Variants in CHN2 observed in about 807,000 individuals in gnomAD.
The protein encoded by CHN2 is chimerin 2.
A neutral mutation model predicts 56.3 loss-of-function variants in CHN2; 35 were observed. The ratio of observed to expected loss-of-function variants is 0.62; its 90% CI spans 0.47 to 0.82. The LOEUF (loss-of-function observed/expected upper bound fraction) is 0.82, where lower values mean the gene tolerates loss of function less well. CHN2 is among the 40% of genes least tolerant of loss of function. The probability of loss-of-function intolerance (pLI) is 0.00; values close to 1 mark genes in which losing one functional copy is unlikely to be tolerated. For missense variants in CHN2, 491 were observed against 580.5 expected, an observed-to-expected ratio of 0.85 and a Z score of 1.58; for synonymous variants, 210 against 212.8, an observed-to-expected ratio of 0.99 and a Z score of 0.12.
At chr7:29,167,488 T>G (rs1796067345) in intron 2 of CHN2, among the ~76,000 whole-genome samples, 2 of 152,332 alleles carry the variant, frequency 1.3e-5, no homozygotes, top group African/African-American at 2.4e-5. Context: ...TGAATATGTC[T>G]TTGGTGCACA....
At chr7:29,353,911 A>AT (rs1357741189) in intron 1 of CHN2, among the ~76,000 whole-genome samples, 2 of 152,224 alleles carry the variant, frequency 1.3e-5, no homozygotes, top group African/African-American at 2.4e-5. Context: ...GAATTTATAA[A>AT]TTCAGCTGTC....
chr7:29,219,756 G>C (rs1214361752), intron 1 of CHN2, among the ~76,000 whole-genome samples: 1 of 152,108 alleles, frequency 6.6e-6, no homozygotes, highest in Non-Finnish European at 1.5e-5. Flanking sequence ...ATTATCATGA[G>C]AGATAAAGAG....
At chr7:29,287,170 G>A (rs1792214426) in intron 1 of CHN2, among the ~76,000 whole-genome samples, 2 of 152,134 alleles carry the variant, frequency 1.3e-5, no homozygotes, top group African/African-American at 2.4e-5. Context: ...GGCACCAAGA[G>A]GGCAGAGAGA....
chr7:29,374,922 C>T (rs1467024884), intron 3 of CHN2, among the ~76,000 whole-genome samples: 1 of 148,354 alleles, frequency 6.7e-6, no homozygotes, highest in Non-Finnish European at 1.5e-5. Context: ...GTTTCGCTCT[C>T]GTTGGCCCAG....
chr7:29,322,194 C>A lies in CHN2; in HGVS notation c.50-32431C>A, dbSNP rs190084707. Among the ~76,000 whole-genome samples, 6 of 152,332 alleles carry A rather than the reference C, an allele frequency of 3.9e-5. No individual in the cohort carries two copies. The East Asian group carries it at 7.7e-4, about 20-fold the overall frequency. ...AGGGGCCAAATGGCTTTTCTCACAT[C>A]GTTTCCTAAAGGCTCTGTTTGTCTC... On this transcript the variant is annotated intron_variant, in intron 1 of 12. Transcript: ENST00000222792.
chr7:29,383,399 G>A (rs1450330940), intron 3 of CHN2, among the ~76,000 whole-genome samples: 1 of 152,162 alleles, frequency 6.6e-6, no homozygotes. Flanking sequence ...GGAAGAGGGA[G>A]CATGAATACA....
intron 7 of CHN2, 98 bp from the exon 8 acceptor site, chr7:29,495,854 G>A: frequency 1.1e-6 from 1 of 918,720 alleles, no homozygotes; most frequent in Non-Finnish European, 1.7e-6. Context: ...AAAGCCCAGT[G>A]GGGGATCGCT....
At chr7:29,267,067 ACC>A (rs774003378) in intron 1 of CHN2, among the ~76,000 whole-genome samples, 2 of 150,026 alleles carry the variant, frequency 1.3e-5, no homozygotes, top group Non-Finnish European at 1.5e-5. Flanking sequence ...AGCCCCACCC[ACC>A]CCTCTGCTGT....
At chr7:29,362,333 G>A (rs867778933) in intron 2 of CHN2, among the ~76,000 whole-genome samples, 20 of 152,196 alleles carry the variant, frequency 1.3e-4, no homozygotes, top group Admixed American at 4.6e-4. Context: ...TTAGTGAGGG[G>A]AATAACAGTT....
intron 2 of CHN2, among the ~76,000 whole-genome samples, chr7:29,189,232 G>A (rs1316677928): frequency 6.6e-6 from 1 of 152,122 alleles, no homozygotes; most frequent in Non-Finnish European, 1.5e-5. Context: ...GATTACAGGT[G>A]TGAGCCACCG....
At chr7:29,224,814 T>TA (rs1390834665) in intron 1 of CHN2, among the ~76,000 whole-genome samples, 2 of 152,236 alleles carry the variant, frequency 1.3e-5, no homozygotes, top group African/African-American at 4.8e-5. Flanking sequence ...TCTTATTTGT[T>TA]ATATGCCTTA....
At chr7:29,337,051 C>T (rs1300847781) in intron 1 of CHN2, among the ~76,000 whole-genome samples, 3 of 152,112 alleles carry the variant, frequency 2.0e-5, no homozygotes, top group African/African-American at 7.2e-5. Context: ...TGCTTGCTTC[C>T]CCTCTAGGAT....
intron 6 of CHN2, among the ~76,000 whole-genome samples, chr7:29,429,431 T>C (rs886934056): frequency 1.3e-5 from 2 of 152,220 alleles, no homozygotes; most frequent in African/African-American, 4.8e-5. Context: ...TAGAGACTCT[T>C]TTGTTTGTTT....
At position 29,504,761 on chromosome 7, in the gene CHN2, C is replaced by G. The variant is rs1790380779; in HGVS notation, c.931C>G (p.Leu311Val). Residue 311 changes from leucine (L) to valine (V), a missense_variant, in exon 10 of 13, where the codon CTT becomes GTT. Transcript: ENST00000222792. Reference sequence around the variant, plus strand: ...TCTAACAGGATTAAAATCGGAAGGCCTTTACAGAGTCTCTGGGTTCACTGA... The same window carrying G: ...TCTAACAGGATTAAAATCGGAAGGCGTTTACAGAGTCTCTGGGTTCACTGA... The part of the protein sequence containing the change: ...IEARGLKSEG[L>V]YRVSGFTEHI... 1 of 1,611,704 alleles carries G rather than the reference C, an allele frequency of 6.2e-7. No individual in the cohort carries two copies. Among genetic ancestry groups the G allele is most frequent in the East Asian group, 2.2e-5 (1 of 44,830 alleles).
chr7:29,478,538 A>C (rs1389321668), intron 6 of CHN2, among the ~76,000 whole-genome samples: 1 of 152,214 alleles, frequency 6.6e-6, no homozygotes, highest in Admixed American at 6.5e-5. Context: ...GAGGCAGCAC[A>C]TGGGTGTACC....
intron 1 of CHN2, among the ~76,000 whole-genome samples, chr7:29,259,800 A>G (rs1789396445): frequency 6.6e-6 from 1 of 152,194 alleles, no homozygotes; most frequent in Non-Finnish European, 1.5e-5. Context: ...TAATTTCGCT[A>G]TGTATACATA....
At chr7:29,419,062 T>C (rs1038914398) in intron 6 of CHN2, among the ~76,000 whole-genome samples, 1 of 152,166 alleles carries the variant, frequency 6.6e-6, no homozygotes, top group Non-Finnish European at 1.5e-5. Context: ...TTTTTAAATT[T>C]TCCAAGAACT....
At chr7:29,279,907 T>G (rs1187561418) in intron 1 of CHN2, among the ~76,000 whole-genome samples, 1 of 152,104 alleles carries the variant, frequency 6.6e-6, no homozygotes, top group Non-Finnish European at 1.5e-5. Flanking sequence ...GGGGTCTGAA[T>G]TAGGGTGGTG....
intron 6 of CHN2, among the ~76,000 whole-genome samples, chr7:29,410,783 T>G (rs1215689163): frequency 6.6e-6 from 1 of 152,188 alleles, no homozygotes; most frequent in African/African-American, 2.4e-5. Flanking sequence ...GAGAAAAAGT[T>G]GAAAGTAGTG....
Sources: gnomAD v4.1 joint callset for allele counts (sites outside exome capture counted in the v4.1 genomes callset) on GRCh38, gnomAD v4.1.1 for gene constraint, MANE v1.5 for transcripts, NCBI Gene and HGNC (gene_info 2026-07-23, HGNC 2026-07-21) for gene names.